The following KALRN variants were observed in gnomAD, a reference collection of about 807,000 sequenced individuals.
KALRN encodes the protein kalirin RhoGEF kinase.
KALRN carries 70 observed loss-of-function variants against 353.7 expected under a neutral mutation model. That is an observed-to-expected ratio of 0.20 (90% CI 0.16 to 0.24). The LOEUF (loss-of-function observed/expected upper bound fraction) is 0.24. Ranked by LOEUF, KALRN falls within the 10% of genes least tolerant of loss-of-function variation. The probability of loss-of-function intolerance (pLI) is 1.00; values close to 1 mark genes in which losing one functional copy is unlikely to be tolerated. For missense variants in KALRN, 2,791 were observed against 3,756.7 expected (o/e 0.74, Z 6.72); for synonymous variants, 1,391 against 1,434.8 (o/e 0.97, Z 0.69).
intron 10 of KALRN, among the ~76,000 whole-genome samples, chr3:124,383,316 T>A (rs943956786): frequency 1.3e-5 from 2 of 152,202 alleles, no homozygotes; most frequent in African/African-American, 4.8e-5. Context: ...GGGGCTGTTG[T>A]AACAAAGCAC....
chr3:124,638,119 A>C (rs2081575412), intron 37 of KALRN, among the ~76,000 whole-genome samples: 1 of 152,188 alleles, frequency 6.6e-6, no homozygotes, highest in Non-Finnish European at 1.5e-5. Context: ...AATTCTCATT[A>C]GGATAAATGT....
Position 124,496,340 on chromosome 3 carries a change from G to T in KALRN, c.4862G>T (p.Gly1621Val), listed in dbSNP as rs2063846138. 12 of 1,613,386 alleles carry T rather than the reference G, an allele frequency of 7.4e-6. No individual in the cohort carries two copies. Among genetic ancestry groups the T allele is most frequent in the Non-Finnish European group, 9.3e-6 (11 of 1,179,758 alleles). The change falls in exon 33 of 60, where the codon GGG becomes GTG. Residue 1621 changes from glycine to valine, a missense_variant. By Grantham distance (109) the Gly-to-Val change is moderately radical (BLOSUM62 -3). This residue lies in a region of KALRN where 239 missense variants were observed against 351.3 expected (regional missense o/e 0.68). Coordinates refer to ENST00000682506, the MANE Select transcript of KALRN (RefSeq NM_001388419.1). The part of the protein sequence containing the change: ...RDGVEDIDSQ[G>V]DGSSQPDTIS... ...GGAGTGGAGGATATTGACAGCCAGG[G>T]GGATGGGAGCAGCCAACCAGACACC...
intron 1 of KALRN, among the ~76,000 whole-genome samples, chr3:124,074,550 G>A (rs571345456): frequency 1.3e-5 from 2 of 152,276 alleles, no homozygotes; most frequent in South Asian, 4.2e-4. Context: ...TCTGGAGAGA[G>A]GAGACTAAGG....
intron 5 of KALRN, among the ~76,000 whole-genome samples, chr3:124,295,254 A>G (rs1466438551): frequency 1.3e-5 from 2 of 152,190 alleles, no homozygotes; most frequent in Non-Finnish European, 2.9e-5. Flanking sequence ...TTTTCTCTCT[A>G]CTGAGATGTG....
intron 21 of KALRN, among the ~76,000 whole-genome samples, chr3:124,447,444 T>C (rs1409918533): frequency 6.6e-6 from 1 of 152,136 alleles, no homozygotes; most frequent in African/African-American, 2.4e-5. Context: ...ACCAAGATTG[T>C]GGGAAATGCT....
Position 124,697,642 on chromosome 3 carries a change from C to G in KALRN, c.7749C>G (p.Thr2583=), listed in dbSNP as rs1285396161. ...NRPIAQERSC[T]SVILRWLPPS... ...CCATTGCCCAGGAGAGAAGCTGCAC[C>G]TCCGTGATTCTCCGCTGGCTGCCCC... The change falls in exon 55 of 60, where the codon ACC becomes ACG. Residue 2583 remains threonine (T), a synonymous_variant. Coordinates refer to ENST00000682506, the MANE Select transcript of KALRN (RefSeq NM_001388419.1). The G allele has an allele frequency of 6.2e-7, 1 of 1,610,806 alleles. No homozygotes were observed. The highest frequency in any genetic ancestry group is 1.1e-5 in the South Asian group (1 of 90,192).
intron 34 of KALRN, among the ~76,000 whole-genome samples, chr3:124,605,356 T>A (rs572733302): frequency 4.6e-4 from 69 of 151,454 alleles, no homozygotes; most frequent in African/African-American, 1.6e-3. Context: ...GTGGATCACT[T>A]GAGGTCAGGA....
chr3:124,639,719 G>A (rs922634237), intron 37 of KALRN, among the ~76,000 whole-genome samples: 1 of 152,318 alleles, frequency 6.6e-6, no homozygotes, highest in African/African-American at 2.4e-5. Flanking sequence ...ATAAATGTCT[G>A]TTGAATGAAT....
intron 11 of KALRN, among the ~76,000 whole-genome samples, chr3:124,387,947 C>T (rs2088656355): frequency 2.0e-5 from 3 of 151,940 alleles, no homozygotes; most frequent in Non-Finnish European, 4.4e-5. Flanking sequence ...GTATGAGGTC[C>T]CCTTTAAGTG....
chr3:124,594,966 T>G (rs902221214), intron 34 of KALRN, among the ~76,000 whole-genome samples: 1 of 151,712 alleles, frequency 6.6e-6, no homozygotes, highest in Non-Finnish European at 1.5e-5. Context: ...TTTTAAATTT[T>G]TTTAAAAATT....
intron 34 of KALRN, among the ~76,000 whole-genome samples, chr3:124,596,185 GAAAAAA>G (rs5852417): frequency 7.3e-6 from 1 of 136,134 alleles, no homozygotes; most frequent in Non-Finnish European, 1.6e-5. Context: ...CCATCTTAAA[GAAAAAA>G]AAAAAAAAAG....
chr3:124,421,587 C>T (rs1189731414), intron 14 of KALRN, among the ~76,000 whole-genome samples: 2 of 152,062 alleles, frequency 1.3e-5, no homozygotes, highest in African/African-American at 2.4e-5. Flanking sequence ...AGGTAATTTG[C>T]CCAAAGTCAG....
intron 1 of KALRN, among the ~76,000 whole-genome samples, chr3:124,095,555 T>G (rs2061393070): frequency 6.6e-6 from 1 of 152,192 alleles, no homozygotes; most frequent in Admixed American, 6.5e-5. Context: ...ATAGCTCCCT[T>G]TTTTGATTAT....
chr3:124,511,129 C>T (rs542685777), intron 33 of KALRN, among the ~76,000 whole-genome samples: 2 of 152,252 alleles, frequency 1.3e-5, no homozygotes, highest in Non-Finnish European at 2.9e-5. Flanking sequence ...CTCTCCTCTC[C>T]CCTTCCCCTA....
chr3:124,170,143 C>G (rs1447958808), intron 1 of KALRN, among the ~76,000 whole-genome samples: 1 of 152,212 alleles, frequency 6.6e-6, no homozygotes, highest in Non-Finnish European at 1.5e-5. Flanking sequence ...CAGTCCATCA[C>G]TCTGATTCCT....
At position 124,462,647 on chromosome 3, in the gene KALRN, G is replaced by C. The variant is rs1422612612; in HGVS notation, c.4031+14G>C. ...TTTCCATAACAAGTAGGTTTGTGGAGGGTCTCAGAGGTGCACACTTAGGCC... is the reference window on the plus strand; with the variant it reads ...TTTCCATAACAAGTAGGTTTGTGGACGGTCTCAGAGGTGCACACTTAGGCC... On this transcript the variant is annotated intron_variant, in intron 25 of 59. Coordinates refer to ENST00000682506, the MANE Select transcript of KALRN (RefSeq NM_001388419.1). 4.1e-6 allele frequency: 6 copies of C among 1,452,910 alleles called. No individual in the cohort carries two copies. The highest frequency in any genetic ancestry group is 5.8e-6 in the Non-Finnish European group (6 of 1,033,870). 90.0% of individuals were successfully genotyped at this position (1,452,910 alleles called of 1,614,324 possible).
Position 124,719,060 on chromosome 3 carries a change from GT to G in KALRN, c.8552del (p.Val2851AlafsTer19). On this transcript the variant is annotated frameshift_variant, in exon 60 of 60. Transcript: ENST00000682506. LOFTEE classifies it high-confidence loss of function. This position sits in a 1 kb window ranked among gnomAD's most constrained non-coding sequence, Gnocchi z 5.3. Reference protein sequence around the residue: ...LGNPEFAAPEVIQGIPVSLGT... With the variant: ...LGNPEFAAPEXIQGIPVSLGT... ...GAACCCTGAGTTTGCTGCCCCAGAA[GT>G]CATTCAAGGCATCCCCGTCTCCCTG... is the stretch of plus-strand genomic sequence containing the variant. 6.2e-7 allele frequency: 1 copy of G among 1,614,208 alleles called. No individual in the cohort carries two copies. The highest frequency in any genetic ancestry group is 8.5e-7 in the Non-Finnish European group (1 of 1,180,038).
At chr3:124,044,881 C>T (rs1355920822) in intron 1 of KALRN, among the ~76,000 whole-genome samples, 1 of 22,410 alleles carries the variant, frequency 4.5e-5, no homozygotes, top group African/African-American at 9.2e-5. Flanking sequence ...TTCCTTCCTT[C>T]CTTCCTTCCT....
At chr3:124,056,860 C>T (rs2041595225) in intron 1 of KALRN, among the ~76,000 whole-genome samples, 1 of 152,196 alleles carries the variant, frequency 6.6e-6, no homozygotes, top group Non-Finnish European at 1.5e-5. Flanking sequence ...AAAGTTCAGT[C>T]AACAATTTTA....
Sources: gnomAD v4.1 joint callset for allele counts (sites outside exome capture counted in the v4.1 genomes callset) on GRCh38, gnomAD v4.1.1 for gene constraint, gnomAD v4.1.1 regional missense constraint, Gnocchi (gnomAD v3.1) non-coding constraint, MANE v1.5 for transcripts, NCBI Gene and HGNC (gene_info 2026-07-23, HGNC 2026-07-21) for gene names.